Variants in ATG2A observed in about 807,000 individuals in gnomAD.
The protein encoded by ATG2A is autophagy related 2A, also known as autophagy-related protein 2 homolog A.
A neutral mutation model predicts 214.2 loss-of-function variants in ATG2A; 103 were observed. The ratio of observed to expected loss-of-function variants is 0.48; its 90% CI spans 0.41 to 0.57. The LOEUF (loss-of-function observed/expected upper bound fraction) is 0.57, where lower values mean the gene tolerates loss of function less well. Ranked by LOEUF, ATG2A falls within the 20% of genes least tolerant of loss-of-function variation. The pLI is 0.00. For synonymous variants in ATG2A, 1,160 were observed against 1,142.1 expected, an observed-to-expected ratio of 1.02 and a Z score of -0.32; for missense variants, 2,312 against 2,613.2, an observed-to-expected ratio of 0.88 and a Z score of 2.51.
chr11:64,906,238 C>G (rs778613850), intron 21 of ATG2A, 45 bp from the exon 22 acceptor site: 18 of 1,607,876 alleles, frequency 1.1e-5, no homozygotes, highest in Non-Finnish European at 1.4e-5. Flanking sequence ...GCCAGCCCCA[C>G]CGTGCACTGG....
chr11:64,907,953 T>C, intron 16 of ATG2A, 63 bp from the exon 17 acceptor site: 1 of 1,556,340 alleles, frequency 6.4e-7, no homozygotes, highest in East Asian at 2.3e-5. Context: ...GGGGCCTGTC[T>C]CTGGTCTCAG....
chr11:64,899,484 C>T (rs942517935), intron 31 of ATG2A, among the ~76,000 whole-genome samples: 2 of 152,164 alleles, frequency 1.3e-5, no homozygotes, highest in East Asian at 1.9e-4. Flanking sequence ...CCCACCAACC[C>T]GAGCAGCCTG....
chr11:64,911,701 T>G, intron 9 of ATG2A, 141 bp downstream of exon 9: 1 of 1,223,794 alleles, frequency 8.2e-7, no homozygotes, highest in Non-Finnish European at 1.1e-6. Flanking sequence ...CCACCTTGTT[T>G]GGTCCCCAGG....
In ATG2A at chr11:64,907,338, C is replaced by T. The variant is rs1486418918; in HGVS notation, c.2749G>A (p.Ala917Thr). The change falls in exon 19 of 41, where the codon GCC becomes ACC. Residue 917 changes from alanine (A) to threonine (T), a missense_variant. Coordinates refer to ENST00000377264, the MANE Select transcript of ATG2A (RefSeq NM_015104.3). Reference sequence around the variant, plus strand: ...GTGCTCTGCAAGTGAAGACTTGGGGCCTCAGGGGCAGCGGCCTGTGGGCCA... The same window carrying T: ...GTGCTCTGCAAGTGAAGACTTGGGGTCTCAGGGGCAGCGGCCTGTGGGCCA... Reference protein sequence around the residue: ...SGGPQAAAPEAPSLHLQSTFS... With the variant: ...SGGPQAAAPETPSLHLQSTFS... The T allele has an allele frequency of 6.4e-7, 1 of 1,554,232 alleles. No individual in the cohort carries two copies. The highest frequency in any genetic ancestry group is 8.7e-7 in the Non-Finnish European group (1 of 1,148,854).
Position 64,913,965 on chromosome 11 carries a change from A to T in ATG2A, c.488-42T>A, listed in dbSNP as rs1246894252. The T allele has an allele frequency of 3.1e-6, 5 of 1,602,952 alleles. No homozygotes were observed. The South Asian group carries it at 5.6e-5, about 18-fold the overall frequency. On this transcript the variant is annotated intron_variant, in intron 3 of 40. Transcript: ENST00000377264. This position sits in a 1 kb window ranked among gnomAD's most constrained non-coding sequence, Gnocchi z 4.3. ...GGGTCTCAGGTCAGGTAGAGCAGCA[A>T]AGGGGAGGCAGAATTTCCCATCTGG...
At chr11:64,914,012 T>C in intron 3 of ATG2A, 69 bp downstream of exon 3, 3 of 1,558,064 alleles carry the variant, frequency 1.9e-6, no homozygotes, top group Non-Finnish European at 2.6e-6. Flanking sequence ...GCCGTGCCGT[T>C]GTCTGGAGCC....
At chr11:64,905,155 C>T (rs935264559) in intron 24 of ATG2A, among the ~76,000 whole-genome samples, 4 of 152,166 alleles carry the variant, frequency 2.6e-5, no homozygotes, top group African/African-American at 9.7e-5. Context: ...CACCCTCCAT[C>T]TTCTTATATT....
At position 64,901,016 on chromosome 11, in the gene ATG2A, G is replaced by A. The variant is rs1213473935; in HGVS notation, c.4196C>T (p.Pro1399Leu). ...IVVRDGYFSR[P>L]IGSTDLLRAP... ...CCGCAGCAAGTCCGTGCTGCCGATC[G>A]GCCGTGAGAAGTAACCGTCCCTCAC... The change falls in exon 30 of 41, where the codon CCG becomes CTG. Residue 1399 changes from proline to leucine, a missense_variant. Physicochemically the swap from Pro to Leu is moderately conservative, Grantham distance 98. Coordinates refer to ENST00000377264, the MANE Select transcript of ATG2A (RefSeq NM_015104.3). 15 of 1,589,880 alleles carry A rather than the reference G, an allele frequency of 9.4e-6. No individual in the cohort carries two copies. The East Asian group carries it at 1.2e-4, about 12-fold the overall frequency.
chr11:64,917,157 G>A lies in ATG2A; in HGVS notation c.-22C>T. The stretch of plus-strand genomic sequence containing the variant: ...ACATCTCGGAGACCGCCGGGCCTGG[G>A]CCGCCTCCGCTTGCCGCCCGCCGGC... On this transcript the variant is annotated 5_prime_UTR_variant, in exon 1 of 41. Transcript: ENST00000377264. 1 of 1,576,068 alleles carries A rather than the reference G, an allele frequency of 6.3e-7. No homozygotes were observed. The highest frequency in any genetic ancestry group is 8.6e-7 in the Non-Finnish European group (1 of 1,160,578).
At chr11:64,906,278 A>G in intron 21 of ATG2A, 56 bp downstream of exon 21, 1 of 1,607,268 alleles carries the variant, frequency 6.2e-7, no homozygotes, top group Non-Finnish European at 8.5e-7. Context: ...GTCCCACCGC[A>G]CACCGGGGCT....
In ATG2A at chr11:64,905,630, G is replaced by A. The variant is rs748951190; in HGVS notation, c.3397C>T (p.Leu1133Phe). 2 of 1,613,862 alleles carry A rather than the reference G, an allele frequency of 1.2e-6. No individual in the cohort carries two copies. The highest frequency in any genetic ancestry group is 1.7e-6 in the Non-Finnish European group (2 of 1,179,920). Residue 1133 changes from leucine to phenylalanine, a missense_variant, in exon 24 of 41, where the codon CTC (leucine) becomes TTC (phenylalanine). Coordinates refer to ENST00000377264, the MANE Select transcript of ATG2A (RefSeq NM_015104.3). Reference protein sequence around the residue: ...YRPLYLPVRVLITAETFTLSS... With the variant: ...YRPLYLPVRVFITAETFTLSS... Reference sequence around the variant, plus strand: ...AGAGTGAAGGTCTCCGCGGTGATGAGGACACGCACTGGGAGGTAGAGTGGC... The same window carrying A: ...AGAGTGAAGGTCTCCGCGGTGATGAAGACACGCACTGGGAGGTAGAGTGGC...
In ATG2A at chr11:64,894,627, C is replaced by A; in HGVS notation, c.*346G>T. 1 of 584,720 alleles carries A rather than the reference C, an allele frequency of 1.7e-6. No individual in the cohort carries two copies. 36.2% of individuals were successfully genotyped at this position (584,720 alleles called of 1,614,324 possible). A position where few individuals can be genotyped will look rare whatever the true frequency, so the allele number is the denominator to read the frequency against. On this transcript the variant is annotated 3_prime_UTR_variant, in exon 41 of 41. Transcript: ENST00000377264. ...CTTAAAAATAATACATCGAACCACA[C>A]GGATATCATCCCCTCCTCCCCCCAG...
rs1565735160 is a variant in ATG2A, at chr11:64,894,863, A to G, written c.*110T>C. On this transcript the variant is annotated 3_prime_UTR_variant, in exon 41 of 41. Coordinates refer to ENST00000377264, the MANE Select transcript of ATG2A (RefSeq NM_015104.3). ...CGGGCAGGCTGGGAAGGCGTCCTTC[A>G]CAGTGGCCATCCCCTGAAGGGCCAG... The G allele has an allele frequency of 7.7e-7, 1 of 1,299,446 alleles. No homozygotes were observed. The allele number at this position is 1,299,446 out of a possible 1,614,324, so 80.5% of individuals were successfully genotyped here. A position where few individuals can be genotyped will look rare whatever the true frequency, so the allele number is the denominator to read the frequency against.
chr11:64,896,578 G>C lies in ATG2A; in HGVS notation c.5311C>G (p.Gln1771Glu), dbSNP rs1281059353. Residue 1771 changes from glutamine to glutamate, a missense_variant, in exon 39 of 41, where the codon CAG becomes GAG. Transcript: ENST00000377264. ...ATGAGGCGGCCATCCTTCCTGTACT[G>C]CTCAATGGGCAGCCACAGCAGGTCC... ...FRDLLWLPIE[Q>E]YRKDGRLMRG... 6.2e-7 allele frequency: 1 copy of C among 1,613,982 alleles called. No individual in the cohort carries two copies. The highest frequency in any genetic ancestry group is 2.2e-5 in the East Asian group (1 of 44,890).
At chr11:64,908,261 T>C (rs1944630930) in intron 16 of ATG2A, among the ~76,000 whole-genome samples, 1 of 152,004 alleles carries the variant, frequency 6.6e-6, no homozygotes, top group African/African-American at 2.4e-5. Flanking sequence ...CTACTAAAAA[T>C]ACAAAATTAG....
At position 64,913,285 on chromosome 11, in the gene ATG2A, T is replaced by A. The variant is rs1167490219; in HGVS notation, c.707A>T (p.Tyr236Phe). 6.2e-7 allele frequency: 1 copy of A among 1,611,146 alleles called. No homozygotes were observed. The highest frequency in any genetic ancestry group is 1.3e-5 in the African/African-American group (1 of 74,910). Residue 236 changes from tyrosine (Y) to phenylalanine (F), a missense_variant, in exon 5 of 41, where the codon TAC (tyrosine) becomes TTC (phenylalanine). By Grantham distance (22) the Tyr-to-Phe change is conservative (BLOSUM62 3). Coordinates refer to ENST00000377264, the MANE Select transcript of ATG2A (RefSeq NM_015104.3). The surrounding 1 kb of genome is among the most constrained non-coding windows in gnomAD (Gnocchi z 4.3). ...LLQLAGVRLH[Y>F]EELPAQEEPP... ...GCTCACCTGTGCCGGGAGCTCCTCG[T>A]AGTGCAGGCGGACCCCTGCCAGCTG...
At position 64,898,846 on chromosome 11, in the gene ATG2A, T is replaced by C. The variant is rs145407425; in HGVS notation, c.4465-4A>G. 263 of 1,606,826 alleles carry C rather than the reference T, an allele frequency of 1.6e-4. 1 individual carries two copies. In the East Asian group the frequency reaches 4.6e-3, roughly 28 times the overall value. Reference sequence around the variant, plus strand: ...ACACCTCGTGCTGGAAGCTTACCTGTGGGGTGGACAGAGGCCTGGCCAGGT... The same window carrying C: ...ACACCTCGTGCTGGAAGCTTACCTGCGGGGTGGACAGAGGCCTGGCCAGGT... On this transcript the variant is annotated splice_polypyrimidine_tract_variant and splice_region_variant and intron_variant, in intron 31 of 40. Transcript: ENST00000377264. The surrounding 1 kb of genome is among the most constrained non-coding windows in gnomAD (Gnocchi z 4.5).
chr11:64,896,185 C>G (rs375879204), intron 39 of ATG2A, among the ~76,000 whole-genome samples: 50 of 152,360 alleles, frequency 3.3e-4, no homozygotes, highest in African/African-American at 1.2e-3. Context: ...CTCCACCCCC[C>G]TTTACAAGAC....
Position 64,902,168 on chromosome 11 carries a change from G to A in ATG2A, c.3913C>T (p.Leu1305Phe). ...RELAQPSGGH[L>F]PQASPISVYL... ...ACGGAGATGGGCGACGCCTGAGGGA[G>A]GTGGCCACCTATAGGAGAGAGGCCA... Residue 1305 changes from leucine to phenylalanine, a missense_variant, in exon 29 of 41, where the codon CTC becomes TTC. Physicochemically the swap from Leu to Phe is conservative, Grantham distance 22. Transcript: ENST00000377264. The A allele has an allele frequency of 3.1e-6, 5 of 1,613,032 alleles. No individual in the cohort carries two copies. The highest frequency in any genetic ancestry group is 4.2e-6 in the Non-Finnish European group (5 of 1,179,978).
Sources: gnomAD v4.1 joint callset for allele counts (sites outside exome capture counted in the v4.1 genomes callset) on GRCh38, gnomAD v4.1.1 for gene constraint, Gnocchi (gnomAD v3.1) non-coding constraint, MANE v1.5 for transcripts, NCBI Gene and HGNC (gene_info 2026-07-23, HGNC 2026-07-21) for gene names.